TBC1D1: variants seen among roughly 807,000 people sequenced by gnomAD.
The protein encoded by TBC1D1 is TBC1 (tre-2/USP6, BUB2, cdc16) domain family, member 1.
Under a neutral mutation model 125.6 loss-of-function variants are expected in TBC1D1, and 89 were observed. The ratio of observed to expected loss-of-function variants is 0.71; its 90% CI spans 0.60 to 0.85. The LOEUF (loss-of-function observed/expected upper bound fraction) is 0.85. TBC1D1 is among the 40% of genes least tolerant of loss of function. The pLI, the probability that TBC1D1 is intolerant of heterozygous loss-of-function variation, is 0.00. For missense variants in TBC1D1, 1,377 were observed against 1,469.2 expected, an observed-to-expected ratio of 0.94 and a Z score of 1.03; for synonymous variants, 565 against 564.1, an observed-to-expected ratio of 1.00 and a Z score of -0.02.
At chr4:37,968,199 G>C (rs1731404661) in intron 2 of TBC1D1, among the ~76,000 whole-genome samples, 1 of 152,108 alleles carries the variant, frequency 6.6e-6, no homozygotes, top group South Asian at 2.1e-4. Context: ...TTCTGTTTCA[G>C]CAAGTGTTAC....
chr4:38,114,100 G>A (rs1357989599), intron 15 of TBC1D1, among the ~76,000 whole-genome samples: 1 of 152,152 alleles, frequency 6.6e-6, no homozygotes, highest in Non-Finnish European at 1.5e-5. Flanking sequence ...GACCCCAGGA[G>A]CCCCTGCTTC....
intron 12 of TBC1D1, among the ~76,000 whole-genome samples, chr4:38,068,926 A>ATGCTTGTGTT (rs1754216249): frequency 6.6e-6 from 1 of 152,238 alleles, no homozygotes; most frequent in Non-Finnish European, 1.5e-5. Context: ...ATCAGCCTTC[A>ATGCTTGTGTT]GGGTGGTGCT....
intron 11 of TBC1D1, among the ~76,000 whole-genome samples, chr4:38,052,493 G>T (rs531316514): frequency 6.6e-6 from 1 of 151,274 alleles, no homozygotes; most frequent in Non-Finnish European, 1.5e-5. Flanking sequence ...CACCATGCCC[G>T]GCTAATATTT....
intron 2 of TBC1D1, among the ~76,000 whole-genome samples, chr4:37,908,175 G>C (rs1717755436): frequency 6.6e-6 from 1 of 152,148 alleles, no homozygotes; most frequent in South Asian, 2.1e-4. Flanking sequence ...GCCGGGCCCA[G>C]GGTAAGTCAG....
chr4:37,950,759 CT>C lies in TBC1D1; in HGVS notation c.417+48263del, dbSNP rs35602268. Among the ~76,000 whole-genome samples the C allele has an allele frequency of 7.4e-3, 1,024 of 137,752 alleles. 2 individuals carry two copies. The highest frequency in any genetic ancestry group is 0.037 in the Middle Eastern group (10 of 272). 90.4% of individuals were successfully genotyped at this position (137,752 alleles called of 152,430 possible). On this transcript the variant is annotated intron_variant, in intron 2 of 19. Transcript: ENST00000261439. ...ACAAATGTACAATGACATGTAGTCA[CT>C]TTTTTTTTTTTTTTTGAGACGGAGT...
At chr4:38,092,029 T>C (rs1758511058) in intron 13 of TBC1D1, among the ~76,000 whole-genome samples, 1 of 152,158 alleles carries the variant, frequency 6.6e-6, no homozygotes, top group African/African-American at 2.4e-5. Flanking sequence ...TATTAATCCA[T>C]TGTATTAGTG....
chr4:38,033,516 G>C (rs1307813566), intron 7 of TBC1D1, among the ~76,000 whole-genome samples: 2 of 152,082 alleles, frequency 1.3e-5, no homozygotes, highest in East Asian at 3.8e-4. Flanking sequence ...GCATTACTGA[G>C]GGTTTCTTCA....
intron 9 of TBC1D1, 39 bp from the exon 10 acceptor site, chr4:38,045,778 C>T: frequency 1.3e-6 from 2 of 1,552,398 alleles, no homozygotes; most frequent in Non-Finnish European, 1.8e-6. Flanking sequence ...TTTGCAAAAG[C>T]CTCCAGAGTC....
At position 38,137,596 on chromosome 4, in the gene TBC1D1, G is replaced by A. The variant is rs778140220; in HGVS notation, c.*261G>A. The A allele has an allele frequency of 1.0e-5, 4 of 391,620 alleles. No individual in the cohort carries two copies. Among genetic ancestry groups the A allele is most frequent in the Non-Finnish European group, 1.8e-5 (4 of 225,394 alleles). The allele number at this position is 391,620 out of a possible 1,614,324, so 24.3% of individuals were successfully genotyped here. A position where few individuals can be genotyped will look rare whatever the true frequency, so the allele number is the denominator to read the frequency against. ...CACAGTAGCTTTAGATGGCGTGGAC[G>A]TGAATAAATGCAACTTATGTTTTCT... On this transcript the variant is annotated 3_prime_UTR_variant, in exon 20 of 20. Transcript: ENST00000261439.
intron 2 of TBC1D1, among the ~76,000 whole-genome samples, chr4:37,912,860 A>G (rs546430427): frequency 5.9e-5 from 9 of 152,312 alleles, no homozygotes; most frequent in Non-Finnish European, 8.8e-5. Context: ...TCTGTGCTTT[A>G]TAAATTACCC....
chr4:37,992,764 A>G (rs900703364), intron 2 of TBC1D1, among the ~76,000 whole-genome samples: 1 of 145,496 alleles, frequency 6.9e-6, no homozygotes, highest in Non-Finnish European at 1.5e-5. Flanking sequence ...AAGTGCTGGG[A>G]TTACAGGTGT....
intron 18 of TBC1D1, among the ~76,000 whole-genome samples, chr4:38,127,056 C>T (rs933543557): frequency 4.1e-5 from 6 of 146,932 alleles, no homozygotes; most frequent in African/African-American, 1.3e-4. Context: ...GCTTCTAGGG[C>T]AGACCCCCGA....
intron 8 of TBC1D1, among the ~76,000 whole-genome samples, chr4:38,043,500 T>G (rs1318861517): frequency 5.3e-5 from 8 of 151,562 alleles, no homozygotes; most frequent in Non-Finnish European, 8.8e-5. Context: ...GAAGGATTGC[T>G]TGAACCTGGG....
intron 12 of TBC1D1, among the ~76,000 whole-genome samples, chr4:38,087,845 C>CAAAAAAAAAAAAAA (rs1215951890): frequency 1.5e-5 from 1 of 67,880 alleles, no homozygotes; most frequent in Admixed American, 2.1e-4. Flanking sequence ...GATTCCGTCT[C>CAAAAAAAAAAAAAA]AAAAAAAAAA....
At chr4:38,008,256 C>T (rs1227361620) in intron 2 of TBC1D1, among the ~76,000 whole-genome samples, 3 of 152,226 alleles carry the variant, frequency 2.0e-5, no homozygotes. Flanking sequence ...CCTTACAGTG[C>T]AATCTTCCTT....
chr4:38,127,764 C>T lies in TBC1D1; in HGVS notation c.3132+2633C>T, dbSNP rs114849357. On this transcript the variant is annotated intron_variant, in intron 18 of 19. Coordinates refer to ENST00000261439, the MANE Select transcript of TBC1D1 (RefSeq NM_015173.4). Reference sequence around the variant, plus strand: ...GAAGCTGAGCAGAGAGTAACATGCCCGGCCCCTTGTAGAAAGGCAGGGTCT... The same window carrying T: ...GAAGCTGAGCAGAGAGTAACATGCCTGGCCCCTTGTAGAAAGGCAGGGTCT... Among the ~76,000 whole-genome samples the T allele has an allele frequency of 9.1e-3, 1,385 of 152,200 alleles. 15 individuals carry two copies. The highest frequency in any genetic ancestry group is 0.03 in the African/African-American group (1,260 of 41,510).
chr4:37,969,086 G>A (rs1028519457), intron 2 of TBC1D1, among the ~76,000 whole-genome samples: 5 of 152,186 alleles, frequency 3.3e-5, no homozygotes, highest in African/African-American at 1.2e-4. Context: ...CACCATGCTG[G>A]AGTGAATTTT....
At chr4:37,969,835 A>C (rs1731711474) in intron 2 of TBC1D1, among the ~76,000 whole-genome samples, 1 of 152,210 alleles carries the variant, frequency 6.6e-6, no homozygotes, top group Non-Finnish European at 1.5e-5. Flanking sequence ...AACCATCATC[A>C]CCATCTAATT....
intron 2 of TBC1D1, among the ~76,000 whole-genome samples, chr4:37,984,656 CAACA>C (rs1735055714): frequency 1.3e-5 from 2 of 151,936 alleles, no homozygotes; most frequent in Non-Finnish European, 2.9e-5. Context: ...CCAGCCTGGC[CAACA>C]TGGCAAAACC....
Sources: gnomAD v4.1 joint callset for allele counts (sites outside exome capture counted in the v4.1 genomes callset) on GRCh38, gnomAD v4.1.1 for gene constraint, MANE v1.5 for transcripts, NCBI Gene and HGNC (gene_info 2026-07-23, HGNC 2026-07-21) for gene names.